Variants in HS3ST1 observed in about 807,000 individuals in gnomAD.
HS3ST1 encodes the protein heparan sulfate-glucosamine 3-sulfotransferase 1.
Under a neutral mutation model 20.7 loss-of-function variants are expected in HS3ST1, and 8 were observed. The ratio of observed to expected loss-of-function variants is 0.39; its 90% CI spans 0.23 to 0.70. The LOEUF (loss-of-function observed/expected upper bound fraction) is 0.70, where lower values mean the gene tolerates loss of function less well. Among genes scored for constraint, HS3ST1 ranks in the 30% least tolerant of loss-of-function variants. The pLI, the probability that HS3ST1 is intolerant of heterozygous loss-of-function variation, is 0.46. For missense variants in HS3ST1, 436 were observed against 423.4 expected (o/e 1.03, Z -0.26); for synonymous variants, 205 against 190.4 (o/e 1.08, Z -0.63).
intron 1 of HS3ST1, among the ~76,000 whole-genome samples, chr4:11,408,594 AGAG>A (rs1462699604): frequency 3.3e-5 from 5 of 152,340 alleles, no homozygotes; most frequent in African/African-American, 7.2e-5. Flanking sequence ...CAGTGAAGGA[AGAG>A]GAGAAGTTAC....
rs767392229 is a variant in HS3ST1, at chr4:11,399,841, C to T, written c.165G>A (p.Pro55=). Residue 55 remains proline (P), a synonymous_variant, in exon 2 of 2, where the codon CCG becomes CCA. Transcript: ENST00000002596. The surrounding 1 kb of genome is among the most constrained non-coding windows in gnomAD (Gnocchi z 5.1). ...TGCGCACGCCGATGATGATGGTCTGCGGCAACTGCTGGGCAGAGCCGTTTG... is the reference window on the plus strand; with the variant it reads ...TGCGCACGCCGATGATGATGGTCTGTGGCAACTGCTGGGCAGAGCCGTTTG... ...VAPNGSAQQL[P]QTIIIGVRKG... The T allele has an allele frequency of 3.7e-6, 6 of 1,612,842 alleles. No individual in the cohort carries two copies. The highest frequency in any genetic ancestry group is 1.6e-4 in the Middle Eastern group (1 of 6,062).
chr4:11,429,988 A>G (rs1266495473), upstream of HS3ST1, among the ~76,000 whole-genome samples: 1 of 152,126 alleles, frequency 6.6e-6, no homozygotes, highest in Non-Finnish European at 1.5e-5. Context: ...CCACATTAGT[A>G]AATAAATATT....
At chr4:11,416,396 C>T (rs181359725) in intron 1 of HS3ST1, among the ~76,000 whole-genome samples, 1 of 152,322 alleles carries the variant, frequency 6.6e-6, no homozygotes, top group East Asian at 1.9e-4. Context: ...TTCTGTCCTG[C>T]TCTCTGGGAG....
Position 11,400,129 on chromosome 4 carries a change from G to A in HS3ST1, c.-108-16C>T, listed in dbSNP as rs1718283554. Reference sequence around the variant, plus strand: ...CCTTCAATTACTAGGGAACAAAAAGGGAAGATATTAACATATAACAAATAC... The same window carrying A: ...CCTTCAATTACTAGGGAACAAAAAGAGAAGATATTAACATATAACAAATAC... On this transcript the variant is annotated splice_polypyrimidine_tract_variant and intron_variant, in intron 1 of 1. Transcript: ENST00000002596. 1.4e-6 allele frequency: 2 copies of A among 1,425,732 alleles called. No homozygotes were observed. Among genetic ancestry groups the A allele is most frequent in the Admixed American group, 5.8e-5 (2 of 34,506 alleles). The allele number at this position is 1,425,732 out of a possible 1,614,324, so 88.3% of individuals were successfully genotyped here.
In HS3ST1 at chr4:11,399,017, T is replaced by C. The variant is rs1422103105; in HGVS notation, c.*65A>G. On this transcript the variant is annotated 3_prime_UTR_variant, in exon 2 of 2. Transcript: ENST00000002596. The surrounding 1 kb of genome is among the most constrained non-coding windows in gnomAD (Gnocchi z 5.1). ...TACCTTAAATGCTTTTTTAAAATTC[T>C]TTTTCCCCTCAGATGTACACCAGAA... 14 of 1,375,726 alleles carry C rather than the reference T, an allele frequency of 1.0e-5. No individual in the cohort carries two copies. The highest frequency in any genetic ancestry group is 1.8e-4 in the Middle Eastern group (1 of 5,416). 85.2% of individuals were successfully genotyped at this position (1,375,726 alleles called of 1,614,324 possible). A position where few individuals can be genotyped will look rare whatever the true frequency, so the allele number is the denominator to read the frequency against.
rs149444233 is a variant in HS3ST1 at position 11,400,046 on chromosome 4, G to A, written c.-41C>T. On this transcript the variant is annotated 5_prime_UTR_variant, in exon 2 of 2. Transcript: ENST00000002596. ...GGCTTCACTGGGCCGCGCGCCGCTG[G>A]GTCATGAAGTGCCGCAGCAGGGAAG... 81 of 1,444,372 alleles carry A rather than the reference G, an allele frequency of 5.6e-5. No individual in the cohort carries two copies. In the African/African-American group the frequency reaches 1.1e-3, roughly 20 times the overall value. The allele number at this position is 1,444,372 out of a possible 1,614,324, so 89.5% of individuals were successfully genotyped here.
intron 1 of HS3ST1, among the ~76,000 whole-genome samples, chr4:11,426,175 T>C (rs1719054382): frequency 6.6e-6 from 1 of 152,098 alleles, no homozygotes. Flanking sequence ...TTAGCCCCCA[T>C]AGACAGACAT....
chr4:11,407,330 G>A (rs1273624280), intron 1 of HS3ST1, among the ~76,000 whole-genome samples: 1 of 152,110 alleles, frequency 6.6e-6, no homozygotes, highest in Non-Finnish European at 1.5e-5. Context: ...AAAAAGAGGA[G>A]GACTATTCGA....
At position 11,393,367 on chromosome 4, in the gene HS3ST1, C is replaced by T. The variant is rs911200267; in HGVS notation, c.*5715G>A. ...AGCCATTATTGAATTTAACACTTTG[C>T]TATTTGCTAGCCAATAAAATAGACT... On this transcript the variant is annotated 3_prime_UTR_variant, in exon 2 of 2. Transcript: ENST00000002596. 4.6e-5 allele frequency: 7 copies of T among 152,192 alleles called. No individual in the cohort carries two copies. The highest frequency in any genetic ancestry group is 1.7e-4 in the African/African-American group (7 of 41,450). 9.4% of individuals were successfully genotyped at this position (152,192 alleles called of 1,614,324 possible).
Position 11,399,643 on chromosome 4 carries a change from G to T in HS3ST1, c.363C>A (p.Pro121=). ...WPHQLTVEKT[P]AYFTSPKVPE... is the part of the protein sequence containing the mutation. The stretch of plus-strand genomic sequence containing the variant: ...GCACTTTGGGCGACGTGAAATACGC[G>T]GGGGTCTTCTCCACTGTGAGCTGGT... The change falls in exon 2 of 2, where the codon CCC becomes CCA. Residue 121 remains proline, a synonymous_variant. Transcript: ENST00000002596. This position sits in a 1 kb window ranked among gnomAD's most constrained non-coding sequence, Gnocchi z 5.1. 1 of 1,613,894 alleles carries T rather than the reference G, an allele frequency of 6.2e-7. No individual in the cohort carries two copies. The highest frequency in any genetic ancestry group is 1.3e-5 in the African/African-American group (1 of 75,030).
At chr4:11,417,989 A>C (rs1356928566) in intron 1 of HS3ST1, among the ~76,000 whole-genome samples, 1 of 152,224 alleles carries the variant, frequency 6.6e-6, no homozygotes, top group Non-Finnish European at 1.5e-5. Context: ...CCTATTCTGT[A>C]ATGATTTTGC....
At chr4:11,417,877 G>T (rs1162937043) in intron 1 of HS3ST1, among the ~76,000 whole-genome samples, 1 of 152,212 alleles carries the variant, frequency 6.6e-6, no homozygotes, top group Admixed American at 6.5e-5. Context: ...TATACAAACA[G>T]AAGTGTAATT....
intron 1 of HS3ST1, among the ~76,000 whole-genome samples, chr4:11,427,010 T>G (rs1719077038): frequency 6.6e-6 from 1 of 152,144 alleles, no homozygotes; most frequent in East Asian, 1.9e-4. Context: ...TTACCAGGAA[T>G]GCAGAAAGCA....
intron 1 of HS3ST1, among the ~76,000 whole-genome samples, chr4:11,413,520 G>A (rs1328614692): frequency 6.6e-6 from 1 of 152,106 alleles, no homozygotes; most frequent in Non-Finnish European, 1.5e-5. Flanking sequence ...ATCAGGGTTT[G>A]AGAGTATCCA....
At chr4:11,426,832 G>A (rs1481665781) in intron 1 of HS3ST1, among the ~76,000 whole-genome samples, 1 of 152,236 alleles carries the variant, frequency 6.6e-6, no homozygotes, top group Non-Finnish European at 1.5e-5. Flanking sequence ...AAAACCTTAT[G>A]TAACACAATG....
rs1577435218 is a variant in HS3ST1, at chr4:11,399,666, G to C, written c.340C>G (p.Gln114Glu). The C allele has an allele frequency of 1.2e-6, 2 of 1,613,932 alleles. No homozygotes were observed. The highest frequency in any genetic ancestry group is 2.2e-5 in the South Asian group (2 of 91,078). Reference protein sequence around the residue: ...LSQMPFSWPHQLTVEKTPAYF... With the variant: ...LSQMPFSWPHELTVEKTPAYF... ...GCGGGGGTCTTCTCCACTGTGAGCT[G>C]GTGTGGCCAGGAGAAGGGCATCTGG... The change falls in exon 2 of 2, where the codon CAG (glutamine) becomes GAG (glutamate). Residue 114 changes from glutamine to glutamate, a missense_variant. Coordinates refer to ENST00000002596, the MANE Select transcript of HS3ST1 (RefSeq NM_005114.4). This position sits in a 1 kb window ranked among gnomAD's most constrained non-coding sequence, Gnocchi z 5.1.
Position 11,394,939 on chromosome 4 carries a change from C to G in HS3ST1, c.*4143G>C, listed in dbSNP as rs1577432401. ...TAGCTATTTTTATGCAACAGATACA[C>G]CTGCACAGGAGCCAAATTCACATGG... On this transcript the variant is annotated 3_prime_UTR_variant, in exon 2 of 2. Coordinates refer to ENST00000002596, the MANE Select transcript of HS3ST1 (RefSeq NM_005114.4). 2 of 152,196 alleles carry G rather than the reference C, an allele frequency of 1.3e-5. No homozygotes were observed. The highest frequency in any genetic ancestry group is 2.9e-5 in the Non-Finnish European group (2 of 68,046). The allele number at this position is 152,196 out of a possible 1,614,324, so 9.4% of individuals were successfully genotyped here. A position where few individuals can be genotyped will look rare whatever the true frequency, so the allele number is the denominator to read the frequency against.
At chr4:11,411,662 A>G (rs572990191) in intron 1 of HS3ST1, among the ~76,000 whole-genome samples, 19 of 152,334 alleles carry the variant, frequency 1.2e-4, no homozygotes, top group Non-Finnish European at 2.1e-4. Context: ...TTCAGATTAA[A>G]TGCACTGGTG....
In HS3ST1 at chr4:11,394,896, C is replaced by A. The variant is rs1272018383; in HGVS notation, c.*4186G>T. ...TATATTTAAAATACCAAGCACATGG[C>A]AGGTGTGCAACAAATGATAGCTATT... On this transcript the variant is annotated 3_prime_UTR_variant, in exon 2 of 2. Transcript: ENST00000002596. The A allele has an allele frequency of 6.6e-6, 1 of 152,174 alleles. No individual in the cohort carries two copies. Among genetic ancestry groups the A allele is most frequent in the Non-Finnish European group, 1.5e-5 (1 of 68,028 alleles). 9.4% of individuals were successfully genotyped at this position (152,174 alleles called of 1,614,324 possible).
Sources: allele counts gnomAD v4.1 joint callset (sites outside exome capture counted in the v4.1 genomes callset), GRCh38; gene constraint gnomAD v4.1.1; non-coding constraint Gnocchi (gnomAD v3.1); transcripts MANE v1.5; gene names NCBI Gene and HGNC (gene_info 2026-07-23, HGNC 2026-07-21).